Variants in SYNE2 observed in about 807,000 individuals in gnomAD.
SYNE2 encodes the protein nesprin-2.
SYNE2 carries 431 observed loss-of-function variants against 856.3 expected under a neutral mutation model. The observed-to-expected ratio is 0.50, with a 90% CI of 0.47 to 0.55. The LOEUF (loss-of-function observed/expected upper bound fraction) is 0.55. SYNE2 is among the 20% of genes least tolerant of loss of function. The pLI is 0.00. For missense variants in SYNE2, 8,129 were observed against 8,023.2 expected, an observed-to-expected ratio of 1.01 and a Z score of -0.50; for synonymous variants, 2,923 against 2,872.3, an observed-to-expected ratio of 1.02 and a Z score of -0.56.
chr14:64,211,882 G>A, intron 103 of SYNE2, 79 bp from the exon 104 acceptor site: 1 of 1,604,268 alleles, frequency 6.2e-7, no homozygotes, highest in Non-Finnish European at 8.5e-7. Context: ...CTTTTCTTGT[G>A]GCCGAAGGTG....
chr14:64,073,783 GA>G lies in SYNE2; in HGVS notation c.10698-184del, dbSNP rs1475023405. On this transcript the variant is annotated intron_variant, in intron 52 of 115. Coordinates refer to ENST00000555002, the MANE Select transcript of SYNE2 (RefSeq NM_182914.3). ...TGGAGAGGTTTTTGATTAAGTGGTA[GA>G]TTTTGTACCTGTTTTTATATGTGGT... is the stretch of plus-strand genomic sequence containing the variant. Among the ~76,000 whole-genome samples the G allele has an allele frequency of 5.3e-5, 8 of 152,212 alleles. No individual in the cohort carries two copies. In the East Asian group the frequency reaches 1.5e-3, roughly 29 times the overall value.
At chr14:64,220,206 G>T (rs1049066181) in intron 110 of SYNE2, among the ~76,000 whole-genome samples, 1 of 152,134 alleles carries the variant, frequency 6.6e-6, no homozygotes, top group Non-Finnish European at 1.5e-5. Flanking sequence ...GGTCAGCAGG[G>T]TCTCCTCCCT....
chr14:63,862,394 C>T (rs1205722339), intron 1 of SYNE2, among the ~76,000 whole-genome samples: 1 of 152,124 alleles, frequency 6.6e-6, no homozygotes, highest in Non-Finnish European at 1.5e-5. Context: ...AGTGATCCTC[C>T]AGCCTCGTGT....
rs1315512289 is a variant in SYNE2 at position 64,165,547 on chromosome 14, C to T, written c.16605+137C>T. 6.2e-6 allele frequency: 6 copies of T among 963,458 alleles called. No individual in the cohort carries two copies. The Admixed American group carries it at 9.7e-5, about 16-fold the overall frequency. The allele number at this position is 963,458 out of a possible 1,614,324, so 59.7% of individuals were successfully genotyped here. A position where few individuals can be genotyped will look rare whatever the true frequency, so the allele number is the denominator to read the frequency against. On this transcript the variant is annotated intron_variant, in intron 90 of 115. Coordinates refer to ENST00000555002, the MANE Select transcript of SYNE2 (RefSeq NM_182914.3). ...TTTTTTTTTGAGACGGACTCTCGCTCTGTCACCCAGGCTGGAGTGCAGTGG... is the reference window on the plus strand; with the variant it reads ...TTTTTTTTTGAGACGGACTCTCGCTTTGTCACCCAGGCTGGAGTGCAGTGG...
chr14:63,940,429 G>A (rs570676476), intron 2 of SYNE2, among the ~76,000 whole-genome samples, 185 bp from the exon 3 acceptor site: 2 of 151,332 alleles, frequency 1.3e-5, no homozygotes, highest in East Asian at 1.9e-4. Context: ...AAAAAATATC[G>A]TATCAACATG....
At chr14:63,861,649 T>TG (rs1893762479) in intron 1 of SYNE2, among the ~76,000 whole-genome samples, 1 of 151,164 alleles carries the variant, frequency 6.6e-6, no homozygotes, top group Non-Finnish European at 1.5e-5. Context: ...AGCTGGGCTA[T>TG]GGTGGTGCAT....
chr14:64,106,072 G>GAAAT (rs1241208106), intron 64 of SYNE2, among the ~76,000 whole-genome samples: 14 of 146,654 alleles, frequency 9.5e-5, no homozygotes, highest in African/African-American at 3.5e-4. Context: ...AAGAAAGAAA[G>GAAAT]AAAAAGAAAG....
Position 64,092,521 on chromosome 14 carries a change from T to C in SYNE2, c.11977-828T>C, listed in dbSNP as rs1359786805. On this transcript the variant is annotated intron_variant, in intron 60 of 115. Coordinates refer to ENST00000555002, the MANE Select transcript of SYNE2 (RefSeq NM_182914.3). ...CAGATGTGCACAGTGAACATAGTTA[T>C]TCATTTCCAGCCTATGGCTAAAATT... Among the ~76,000 whole-genome samples, 3 of 152,322 alleles carry C rather than the reference T, an allele frequency of 2.0e-5. No homozygotes were observed. In the East Asian group the frequency reaches 5.8e-4, roughly 29 times the overall value.
At chr14:63,774,755 A>T (rs58026131) in intron 1 of SYNE2, among the ~76,000 whole-genome samples, 1,584 of 152,048 alleles carry the variant, frequency 0.01, 26 homozygotes, top group African/African-American at 0.036. Context: ...AATTTAAATT[A>T]TTGTATTAAT....
chr14:64,138,018 G>A, intron 79 of SYNE2, 35 bp downstream of exon 79: 1 of 1,596,524 alleles, frequency 6.3e-7, no homozygotes, highest in Non-Finnish European at 8.5e-7. Context: ...GCTTCATATT[G>A]TGCTGTGAAG....
intron 99 of SYNE2, chr14:64,202,156 G>T (rs746948213): frequency 1.4e-6 from 1 of 701,882 alleles, no homozygotes; most frequent in Non-Finnish European, 2.6e-6. Flanking sequence ...CTGCGCTTGC[G>T]TGCAGATTTC....
chr14:63,845,277 A>G (rs906706477), intron 1 of SYNE2, among the ~76,000 whole-genome samples: 5 of 152,064 alleles, frequency 3.3e-5, no homozygotes, highest in African/African-American at 1.2e-4. Flanking sequence ...TTAGCCAGGC[A>G]TGGTGGTGGG....
At chr14:63,828,013 C>T (rs140447896) in intron 1 of SYNE2, among the ~76,000 whole-genome samples, 3 of 138,606 alleles carry the variant, frequency 2.2e-5, no homozygotes, top group African/African-American at 5.4e-5. Context: ...GGCAACAAGG[C>T]GAGTCTTCGT....
chr14:64,002,614 G>A (rs900139395), intron 29 of SYNE2, 106 bp from the exon 30 acceptor site: 5 of 1,299,542 alleles, frequency 3.8e-6, no homozygotes, highest in East Asian at 4.7e-5. Context: ...AAACTCAAAA[G>A]CATTTTTCTA....
intron 2 of SYNE2, among the ~76,000 whole-genome samples, chr14:63,915,687 T>G (rs2095525717): frequency 6.6e-6 from 1 of 152,226 alleles, no homozygotes; most frequent in Non-Finnish European, 1.5e-5. Flanking sequence ...ATGTTTTATT[T>G]AATGCTGTTA....
intron 2 of SYNE2, among the ~76,000 whole-genome samples, chr14:63,931,477 G>A (rs1412338861): frequency 6.6e-6 from 1 of 151,486 alleles, no homozygotes; most frequent in Middle Eastern, 3.4e-3. Flanking sequence ...TTGAACCTGG[G>A]AGGCGGAGGT....
intron 1 of SYNE2, among the ~76,000 whole-genome samples, chr14:63,774,610 C>T (rs559800404): frequency 1.3e-5 from 2 of 151,994 alleles, no homozygotes; most frequent in African/African-American, 4.8e-5. Context: ...TCACGGCTCA[C>T]TGCAGCCCCC....
chr14:64,060,617 G>T (rs1032746019), intron 49 of SYNE2, among the ~76,000 whole-genome samples: 2 of 152,060 alleles, frequency 1.3e-5, no homozygotes, highest in African/African-American at 4.8e-5. Flanking sequence ...TTGGAGGAGG[G>T]GTAATTCCAA....
At chr14:64,051,020 C>CAAAAA (rs202017735) in intron 47 of SYNE2, among the ~76,000 whole-genome samples, 1 of 104,566 alleles carries the variant, frequency 9.6e-6, no homozygotes, top group Non-Finnish European at 2.1e-5. Context: ...GACTCTGCCT[C>CAAAAA]AAAAAAAAAA....
Sources: allele counts gnomAD v4.1 joint callset (sites outside exome capture counted in the v4.1 genomes callset), GRCh38; gene constraint gnomAD v4.1.1; transcripts MANE v1.5; gene names NCBI Gene and HGNC (gene_info 2026-07-23, HGNC 2026-07-21).